THADA: variants seen among roughly 807,000 people sequenced by gnomAD.
THADA encodes THADA armadillo repeat containing, also known as tRNA (32-2'-O)-methyltransferase regulator THADA.
In THADA, 213 loss-of-function variants were observed where a neutral mutation model predicts 219.8. The observed-to-expected ratio is 0.97, with a 90% CI of 0.87 to 1.09. The LOEUF (loss-of-function observed/expected upper bound fraction) is 1.09, where lower values mean the gene tolerates loss of function less well. THADA is among the 50% of genes least tolerant of loss of function. The pLI, the probability that THADA is intolerant of heterozygous loss-of-function variation, is 0.00. For missense variants in THADA, 2,956 were observed against 2,311.3 expected, an observed-to-expected ratio of 1.28 and a Z score of -5.72; for synonymous variants, 1,018 against 828.9, an observed-to-expected ratio of 1.23 and a Z score of -3.92.
rs184013751 is a variant in THADA at position 43,586,359 on chromosome 2, A to T, written c.533+42T>A. 2.6e-4 allele frequency: 393 copies of T among 1,484,782 alleles called. No homozygotes were observed. The African/African-American group carries it at 5.2e-3, about 20-fold the overall frequency. 92.0% of individuals were successfully genotyped at this position (1,484,782 alleles called of 1,614,324 possible). A position where few individuals can be genotyped will look rare whatever the true frequency, so the allele number is the denominator to read the frequency against. On this transcript the variant is annotated intron_variant, in intron 7 of 37. Coordinates refer to ENST00000405975, the MANE Select transcript of THADA (RefSeq NM_022065.5). ...TTTCTTTGTACAAAGATAATGTACA[A>T]CTGCAAGTGTGCACACACAAATGCC...
At chr2:43,454,022 G>A (rs1359534343) in intron 26 of THADA, among the ~76,000 whole-genome samples, 1 of 152,100 alleles carries the variant, frequency 6.6e-6, no homozygotes, top group Admixed American at 6.6e-5. Context: ...AGGACTACAG[G>A]CATGCACTAC....
Position 43,541,230 on chromosome 2 carries a change from C to G in THADA, c.3193G>C (p.Gly1065Arg), listed in dbSNP as rs1695260857. The G allele has an allele frequency of 6.2e-7, 1 of 1,611,746 alleles. No homozygotes were observed. The highest frequency in any genetic ancestry group is 8.5e-7 in the Non-Finnish European group (1 of 1,179,076). ...RSMKEVALLL[G>R]MLCQLLPMQP... ...ATGGGCAGAAGCTGGCACAACATGC[C>G]TAAAAGTAAAGCAACTTCCTTCATA... Residue 1065 changes from glycine (G) to arginine (R), a missense_variant, in exon 21 of 38, where the codon GGC becomes CGC. Transcript: ENST00000405975.
At chr2:43,384,373 A>G (rs1419682800) in intron 29 of THADA, among the ~76,000 whole-genome samples, 1 of 149,926 alleles carries the variant, frequency 6.7e-6, no homozygotes, top group Admixed American at 6.7e-5. Flanking sequence ...GCTAGGGTAC[A>G]CTGGTATTCA....
chr2:43,586,623 A>T, intron 6 of THADA, 79 bp downstream of exon 6: 1 of 1,483,554 alleles, frequency 6.7e-7, no homozygotes, highest in Admixed American at 2.1e-5. Context: ...CCTATTACCA[A>T]GAAACTTAAA....
At chr2:43,395,428 C>T (rs971697556) in intron 29 of THADA, among the ~76,000 whole-genome samples, 1 of 152,140 alleles carries the variant, frequency 6.6e-6, no homozygotes, top group African/African-American at 2.4e-5. Flanking sequence ...CTGTCCCTCT[C>T]CTAATCACAG....
chr2:43,446,746 C>T (rs941225257), intron 26 of THADA, among the ~76,000 whole-genome samples: 2 of 152,062 alleles, frequency 1.3e-5, no homozygotes, highest in Non-Finnish European at 2.9e-5. Flanking sequence ...ATGAGTTAGA[C>T]TCTGTGGAAA....
At chr2:43,591,031 G>A (rs1701505038) in intron 3 of THADA, 77 bp from the exon 4 acceptor site, 8 of 1,403,102 alleles carry the variant, frequency 5.7e-6, no homozygotes, top group Middle Eastern at 2.5e-4. Flanking sequence ...ACTCTTTGAA[G>A]TCTCAATTGC....
chr2:43,412,361 T>C (rs1236605600), intron 28 of THADA, among the ~76,000 whole-genome samples: 1 of 152,216 alleles, frequency 6.6e-6, no homozygotes, highest in Non-Finnish European at 1.5e-5. Flanking sequence ...GTGCTATGTG[T>C]GAAATTCAAT....
chr2:43,322,543 T>C (rs1024799338), intron 30 of THADA, among the ~76,000 whole-genome samples: 9 of 143,716 alleles, frequency 6.3e-5, no homozygotes, highest in Non-Finnish European at 1.1e-4. Context: ...GCAAAAATAA[T>C]TGAAAAAGCA....
intron 29 of THADA, among the ~76,000 whole-genome samples, chr2:43,365,020 T>G (rs1669966694): frequency 1.3e-5 from 2 of 150,854 alleles, no homozygotes; most frequent in East Asian, 3.9e-4. Flanking sequence ...TGCGGTGGCA[T>G]GATCTCTGCT....
chr2:43,346,208 T>C (rs1667608867), intron 29 of THADA, among the ~76,000 whole-genome samples: 2 of 152,088 alleles, frequency 1.3e-5, no homozygotes, highest in South Asian at 4.2e-4. Context: ...AAAGAAAGTT[T>C]TATAAGCAAT....
At chr2:43,399,062 T>C (rs540749487) in intron 28 of THADA, among the ~76,000 whole-genome samples, 6 of 152,206 alleles carry the variant, frequency 3.9e-5, no homozygotes, top group Non-Finnish European at 8.8e-5. Flanking sequence ...TTAAAGGCCA[T>C]AACCATTTTG....
intron 30 of THADA, among the ~76,000 whole-genome samples, chr2:43,321,491 G>A (rs1461514217): frequency 6.6e-6 from 1 of 152,196 alleles, no homozygotes; most frequent in Non-Finnish European, 1.5e-5. Flanking sequence ...TGGGTCATGA[G>A]GGTACTGTCC....
intron 36 of THADA, among the ~76,000 whole-genome samples, chr2:43,248,232 C>CAG (rs557205792): frequency 0.024 from 1,857 of 77,802 alleles, 39 homozygotes; most frequent in African/African-American, 0.08. Context: ...GAGAGAGAGA[C>CAG]AGAGAGAGAG....
intron 26 of THADA, among the ~76,000 whole-genome samples, chr2:43,446,703 C>T (rs780794242): frequency 1.3e-5 from 2 of 152,100 alleles, no homozygotes; most frequent in Non-Finnish European, 2.9e-5. Context: ...TGCAGCAATA[C>T]GTAATTGAAA....
At chr2:43,287,268 C>T (rs967108893) in intron 34 of THADA, among the ~76,000 whole-genome samples, 5 of 152,108 alleles carry the variant, frequency 3.3e-5, no homozygotes, top group Non-Finnish European at 7.3e-5. Flanking sequence ...AAGATGGAGT[C>T]ACTATGACTA....
chr2:43,362,667 C>A (rs985238811), intron 29 of THADA, among the ~76,000 whole-genome samples: 1 of 152,048 alleles, frequency 6.6e-6, no homozygotes, highest in Non-Finnish European at 1.5e-5. Context: ...ATACTGTATA[C>A]TTAGGCTACA....
intron 35 of THADA, among the ~76,000 whole-genome samples, chr2:43,286,680 G>A (rs768397744): frequency 5.3e-5 from 8 of 151,964 alleles, no homozygotes; most frequent in African/African-American, 9.7e-5. Flanking sequence ...AGCCGAGATC[G>A]TACCACTGCA....
intron 36 of THADA, among the ~76,000 whole-genome samples, chr2:43,269,377 G>T (rs1366726691): frequency 1.3e-5 from 2 of 152,202 alleles, no homozygotes; most frequent in Non-Finnish European, 2.9e-5. Flanking sequence ...GTCACTGGGA[G>T]GCCATGGTAA....
Sources: allele counts gnomAD v4.1 joint callset (sites outside exome capture counted in the v4.1 genomes callset), GRCh38; gene constraint gnomAD v4.1.1; transcripts MANE v1.5; gene names NCBI Gene and HGNC (gene_info 2026-07-23, HGNC 2026-07-21).